Variants in ARHGEF18 observed in about 807,000 individuals in gnomAD.
ARHGEF18 encodes Rho/Rac guanine nucleotide exchange factor 18.
In ARHGEF18, 93 loss-of-function variants were observed where a neutral mutation model predicts 155.7. The observed-to-expected ratio is 0.60, with a 90% CI of 0.50 to 0.71. ARHGEF18 has a LOEUF of 0.71. Among genes scored for constraint, ARHGEF18 ranks in the 30% least tolerant of loss-of-function variants. ARHGEF18 has a pLI of 0.00. For synonymous variants in ARHGEF18, 742 were observed against 753.1 expected (o/e 0.99, Z 0.24); for missense variants, 1,593 against 1,816.1 (o/e 0.88, Z 2.23).
Position 7,395,259 on chromosome 19 carries a change from G to A in ARHGEF18, c.967+12056G>A. On this transcript the variant is annotated intron_variant, in intron 10 of 28. Coordinates refer to ENST00000668164, the MANE Select transcript of ARHGEF18 (RefSeq NM_001367823.1). This position sits in a 1 kb window ranked among gnomAD's most constrained non-coding sequence, Gnocchi z 5.0. ...GCGATCGGGCCGAGGTGAGGACGGC[G>A]GCGGGGCGGTCCCGAGGAAAACGGG... 1.0e-6 allele frequency: 1 copy of A among 986,294 alleles called. No individual in the cohort carries two copies. Among genetic ancestry groups the A allele is most frequent in the Non-Finnish European group, 1.2e-6 (1 of 830,678 alleles). 61.1% of individuals were successfully genotyped at this position (986,294 alleles called of 1,614,324 possible).
intron 16 of ARHGEF18, 22 bp downstream of exon 16, chr19:7,451,288 C>G: frequency 3.1e-6 from 5 of 1,605,752 alleles, no homozygotes; most frequent in Non-Finnish European, 3.4e-6. Flanking sequence ...CCCCACTGCC[C>G]CGCCCGCCCG....
At position 7,351,425 on chromosome 19, in the gene ARHGEF18, G is replaced by A. The variant is rs1231302841; in HGVS notation, c.-111+2184G>A. Among the ~76,000 whole-genome samples, 20 of 151,978 alleles carry A rather than the reference G, an allele frequency of 1.3e-4. No homozygotes were observed. The East Asian group carries it at 3.5e-3, about 27-fold the overall frequency. On this transcript the variant is annotated intron_variant, in intron 1 of 28. Transcript: ENST00000668164. ...TGCAAGCTCCACCTCCCGGGTTCACGCCATTCTCCTGCCTCAGCCTCCCAA... is the reference window on the plus strand; with the variant it reads ...TGCAAGCTCCACCTCCCGGGTTCACACCATTCTCCTGCCTCAGCCTCCCAA...
intron 26 of ARHGEF18, among the ~76,000 whole-genome samples, 186 bp downstream of exon 26, chr19:7,467,870 T>C (rs1454646709): frequency 6.6e-6 from 1 of 152,134 alleles, no homozygotes; most frequent in African/African-American, 2.4e-5. Flanking sequence ...GCTGGCTAAA[T>C]GCTTAACAGA....
intron 10 of ARHGEF18, among the ~76,000 whole-genome samples, chr19:7,403,549 C>CTTT (rs200331404): frequency 1.5e-5 from 2 of 130,152 alleles, no homozygotes; most frequent in African/African-American, 4.3e-5. Flanking sequence ...TTCTTTCTTT[C>CTTT]TTTCTTTTTT....
the ARHGEF18 span, among the ~76,000 whole-genome samples, chr19:7,479,028 G>A: frequency 1.3e-5 from 2 of 152,294 alleles, no homozygotes; most frequent in East Asian, 1.9e-4. Context: ...GGGGTGTGCC[G>A]GGTTGTGACT....
At chr19:7,356,112 C>A (rs1969291553) in intron 1 of ARHGEF18, among the ~76,000 whole-genome samples, 1 of 151,864 alleles carries the variant, frequency 6.6e-6, no homozygotes, top group African/African-American at 2.4e-5. Context: ...GGGGCACACA[C>A]CTCCCTCCAA....
rs746908540 is a variant in ARHGEF18 at position 7,464,734 on chromosome 19, A to G, written c.2904+44A>G. On this transcript the variant is annotated intron_variant, in intron 23 of 28. Transcript: ENST00000668164. ...GCTCGGTACAGTCTGAGTCGTCATA[A>G]GGATTCATGTGTGTGAGCAGCTTCT... The G allele has an allele frequency of 1.9e-6, 3 of 1,604,780 alleles. No individual in the cohort carries two copies. The East Asian group carries it at 6.7e-5, about 36-fold the overall frequency.
At chr19:7,450,448 C>T (rs532302705) in intron 15 of ARHGEF18, among the ~76,000 whole-genome samples, 1,742 of 87,440 alleles carry the variant, frequency 0.02, 3 homozygotes, top group Non-Finnish European at 0.025. Flanking sequence ...TTTCCGTTTC[C>T]GAGATGTTAA....
intron 2 of ARHGEF18, among the ~76,000 whole-genome samples, chr19:7,368,398 C>G (rs1970040637): frequency 6.6e-6 from 1 of 152,110 alleles, no homozygotes; most frequent in African/African-American, 2.4e-5. Context: ...GATGCTTACT[C>G]AGATACCTGG....
downstream of ARHGEF18, among the ~76,000 whole-genome samples, chr19:7,475,530 ACACACACACACACAAC>A (rs939831366): frequency 8.0e-5 from 12 of 150,852 alleles, no homozygotes; most frequent in South Asian, 4.2e-4. Context: ...GTTTAAACAC[ACACACACACACACAAC>A]CACACACACA....
At chr19:7,359,015 C>CTAAAATT (rs1389125168) in intron 1 of ARHGEF18, among the ~76,000 whole-genome samples, 1 of 152,122 alleles carries the variant, frequency 6.6e-6, no homozygotes, top group Admixed American at 6.5e-5. Context: ...AGTCCTATGG[C>CTAAAATT]TAAAATTGTC....
chr19:7,448,246 G>A (rs1975124596), intron 15 of ARHGEF18, among the ~76,000 whole-genome samples: 1 of 152,158 alleles, frequency 6.6e-6, no homozygotes, highest in African/African-American at 2.4e-5. Flanking sequence ...GGGCACGGTG[G>A]CTCACACCTG....
At position 7,462,769 on chromosome 19, in the gene ARHGEF18, C is replaced by A. The variant is rs1241289425; in HGVS notation, c.2635+435C>A. Among the ~76,000 whole-genome samples, 2 of 152,066 alleles carry A rather than the reference C, an allele frequency of 1.3e-5. No individual in the cohort carries two copies. The highest frequency in any genetic ancestry group is 4.8e-5 in the African/African-American group (2 of 41,398). On this transcript the variant is annotated intron_variant, in intron 21 of 28. Coordinates refer to ENST00000668164, the MANE Select transcript of ARHGEF18 (RefSeq NM_001367823.1). This position sits in a 1 kb window ranked among gnomAD's most constrained non-coding sequence, Gnocchi z 4.4. Reference sequence around the variant, plus strand: ...CCCACGCACAGCTCTAACACAGCCGCCAGGCCCCTGGGCTGGCCGCTTGAG... The same window carrying A: ...CCCACGCACAGCTCTAACACAGCCGACAGGCCCCTGGGCTGGCCGCTTGAG...
At chr19:7,424,621 A>G (rs1973547250) in intron 10 of ARHGEF18, among the ~76,000 whole-genome samples, 1 of 152,208 alleles carries the variant, frequency 6.6e-6, no homozygotes, top group Non-Finnish European at 1.5e-5. Context: ...GCACAGAGAC[A>G]TTTGTAAGTG....
intron 2 of ARHGEF18, among the ~76,000 whole-genome samples, chr19:7,371,502 G>A (rs76868501): frequency 0.045 from 6,827 of 152,050 alleles, 503 homozygotes; most frequent in African/African-American, 0.15. Context: ...GGCCAACATT[G>A]TGAAACCCCG....
Position 7,453,680 on chromosome 19 carries a change from T to G in ARHGEF18, c.2069T>G (p.Met690Arg). Residue 690 changes from methionine (M) to arginine (R), a missense_variant, in exon 17 of 29, where the codon ATG becomes AGG. By Grantham distance (91) the Met-to-Arg change is moderately conservative. Transcript: ENST00000668164. ...MLQRQLHLEGMLCWKTTSGRL... is the reference protein window; with the variant it reads ...MLQRQLHLEGRLCWKTTSGRL... ...CAGCGGCAGCTCCACCTGGAGGGCA[T>G]GCTATGCTGGAAGACCACATCAGGG... 6.3e-7 allele frequency: 1 copy of G among 1,597,246 alleles called. No homozygotes were observed.
chr19:7,472,682 T>G (rs1977095320), downstream of ARHGEF18, among the ~76,000 whole-genome samples: 1 of 152,022 alleles, frequency 6.6e-6, no homozygotes, highest in Admixed American at 6.6e-5. Flanking sequence ...TTTGTTTTTG[T>G]TTTTGTTTCT....
intron 8 of ARHGEF18, 43 bp downstream of exon 8, chr19:7,381,037 C>G (rs904889558): frequency 8.2e-7 from 1 of 1,220,740 alleles, no homozygotes; most frequent in East Asian, 3.2e-5. Flanking sequence ...GCCTTGGATT[C>G]GAACAAGTGT....
chr19:7,460,650 T>C (rs1259436341), intron 20 of ARHGEF18, among the ~76,000 whole-genome samples: 2 of 150,830 alleles, frequency 1.3e-5, no homozygotes, highest in East Asian at 3.9e-4. Flanking sequence ...CGCGCGGCCT[T>C]TTGGGTCTGG....
Sources: gnomAD v4.1 joint callset for allele counts (sites outside exome capture counted in the v4.1 genomes callset) on GRCh38, gnomAD v4.1.1 for gene constraint, Gnocchi (gnomAD v3.1) non-coding constraint, MANE v1.5 for transcripts, NCBI Gene and HGNC (gene_info 2026-07-23, HGNC 2026-07-21) for gene names.